MSMO1: variants seen among roughly 807,000 people sequenced by gnomAD.
The protein encoded by MSMO1 is C-4 methylsterol oxidase.
In MSMO1, 18 loss-of-function variants were observed where a neutral mutation model predicts 30.4. The ratio of observed to expected loss-of-function variants is 0.59; its 90% CI spans 0.41 to 0.88. The LOEUF (loss-of-function observed/expected upper bound fraction) is 0.88. MSMO1 is among the 40% of genes least tolerant of loss of function. The pLI, the probability that MSMO1 is intolerant of heterozygous loss-of-function variation, is 0.00. For synonymous variants in MSMO1, 84 were observed against 107.9 expected, an observed-to-expected ratio of 0.78 and a Z score of 1.37; for missense variants, 284 against 340.5, an observed-to-expected ratio of 0.83 and a Z score of 1.31.
At chr4:165,329,674 G>A (rs974239378) in intron 1 of MSMO1, among the ~76,000 whole-genome samples, 6 of 114,222 alleles carry the variant, frequency 5.3e-5, no homozygotes, top group East Asian at 5.5e-4. Flanking sequence ...TCACTCTGTC[G>A]CCCAGGCTGG....
rs774196602 is a variant in MSMO1, at chr4:165,341,734, T to C, written c.687-17T>C. On this transcript the variant is annotated splice_polypyrimidine_tract_variant and intron_variant, in intron 5 of 5. Transcript: ENST00000261507. ...GATGTATTTATTCCTTAATAATCTT[T>C]ATCATTTTTGTTTCAGTGGTTATGA... 1.3e-6 allele frequency: 2 copies of C among 1,577,166 alleles called. No homozygotes were observed. Among genetic ancestry groups the C allele is most frequent in the South Asian group, 1.1e-5 (1 of 90,324 alleles).
chr4:165,334,051 TC>T (rs1445576333), intron 2 of MSMO1, among the ~76,000 whole-genome samples: 1 of 152,092 alleles, frequency 6.6e-6, no homozygotes, highest in Non-Finnish European at 1.5e-5. Flanking sequence ...AGCACTATAC[TC>T]TAGCATAGGC....
At chr4:165,337,015 C>T (rs896931383) in intron 2 of MSMO1, among the ~76,000 whole-genome samples, 3 of 152,078 alleles carry the variant, frequency 2.0e-5, no homozygotes, top group African/African-American at 4.8e-5. Context: ...GTTTTGTTGG[C>T]GGATACCTGA....
chr4:165,342,791 C>T lies in MSMO1; in HGVS notation c.*845C>T, dbSNP rs1277418725. ...CGGCACCAAGAACTTCCATTCTAAT[C>T]TAGAGCTGACCAGTTTGAGCTGATT... On this transcript the variant is annotated 3_prime_UTR_variant, in exon 6 of 6. Coordinates refer to ENST00000261507, the MANE Select transcript of MSMO1 (RefSeq NM_006745.5). The T allele has an allele frequency of 6.6e-6, 1 of 152,170 alleles. No individual in the cohort carries two copies. The highest frequency in any genetic ancestry group is 1.5e-5 in the Non-Finnish European group (1 of 68,096). 9.4% of individuals were successfully genotyped at this position (152,170 alleles called of 1,614,324 possible).
chr4:165,329,622 G>C (rs1421178015), intron 1 of MSMO1, among the ~76,000 whole-genome samples: 1 of 109,422 alleles, frequency 9.1e-6, no homozygotes, highest in African/African-American at 3.6e-5. Context: ...GAGATCCATA[G>C]CGATTTTTTT....
At chr4:165,330,976 G>T (rs1747372499) in intron 1 of MSMO1, among the ~76,000 whole-genome samples, 1 of 152,174 alleles carries the variant, frequency 6.6e-6, no homozygotes, top group Non-Finnish European at 1.5e-5. Flanking sequence ...TGGCTTGGAA[G>T]AGGTAATGGA....
intron 4 of MSMO1, 129 bp downstream of exon 4, chr4:165,338,907 TACAC>T: frequency 1.5e-6 from 1 of 667,886 alleles, no homozygotes; most frequent in Non-Finnish European, 2.5e-6. Flanking sequence ...TTAAGAACAA[TACAC>T]ACACATACAA....
intron 1 of MSMO1, among the ~76,000 whole-genome samples, chr4:165,329,652 T>TTTTTTTG (rs1747337207): frequency 6.9e-6 from 1 of 145,036 alleles, no homozygotes; most frequent in Non-Finnish European, 1.5e-5. Context: ...TTTTTTTTTT[T>TTTTTTTG]GAGACGGAGT....
In MSMO1 at chr4:165,338,835, G is replaced by A. The variant is rs1747635327; in HGVS notation, c.531+57G>A. The stretch of plus-strand genomic sequence containing the variant: ...TAGAGGCAAAATGTCTATTTTAATT[G>A]CCTGAGCATTTTTCTAAAATTGTTG... On this transcript the variant is annotated intron_variant, in intron 4 of 5. Coordinates refer to ENST00000261507, the MANE Select transcript of MSMO1 (RefSeq NM_006745.5). The A allele has an allele frequency of 2.8e-6, 4 of 1,418,444 alleles. No individual in the cohort carries two copies. The South Asian group carries it at 5.0e-5, about 18-fold the overall frequency. 87.9% of individuals were successfully genotyped at this position (1,418,444 alleles called of 1,614,324 possible).
chr4:165,339,415 C>T (rs1289705200), intron 4 of MSMO1, among the ~76,000 whole-genome samples: 3 of 152,024 alleles, frequency 2.0e-5, no homozygotes, highest in Non-Finnish European at 4.4e-5. Flanking sequence ...ATTAGAATTG[C>T]TTTGATGTAG....
chr4:165,338,569 T>C, intron 3 of MSMO1, 83 bp from the exon 4 acceptor site: 2 of 1,256,206 alleles, frequency 1.6e-6, no homozygotes, highest in Non-Finnish European at 2.3e-6. Flanking sequence ...TTATGTAATG[T>C]CTCAAGCAGT....
At chr4:165,337,703 G>T in intron 2 of MSMO1, 86 bp from the exon 3 acceptor site, 1 of 1,337,600 alleles carries the variant, frequency 7.5e-7, no homozygotes, top group Non-Finnish European at 1.1e-6. Flanking sequence ...GTAGAATTAA[G>T]GTCCAACATA....
At chr4:165,339,333 A>T (rs1747651565) in intron 4 of MSMO1, among the ~76,000 whole-genome samples, 1 of 151,578 alleles carries the variant, frequency 6.6e-6, no homozygotes, top group African/African-American at 2.4e-5. Flanking sequence ...CGAACTCCTG[A>T]CCTCAGGTGA....
intron 1 of MSMO1, among the ~76,000 whole-genome samples, chr4:165,332,091 C>A (rs896570263): frequency 2.8e-4 from 42 of 152,250 alleles, no homozygotes; most frequent in African/African-American, 8.7e-4. Context: ...ATCTCCTGCC[C>A]TGCCACACAA....
intron 1 of MSMO1, among the ~76,000 whole-genome samples, chr4:165,330,100 CTTA>C (rs931265225): frequency 7.9e-5 from 12 of 152,240 alleles, no homozygotes; most frequent in Non-Finnish European, 1.8e-4. Context: ...TACTCTAATA[CTTA>C]TTATGGGTTT....
chr4:165,332,334 G>A (rs1747420069), intron 1 of MSMO1, among the ~76,000 whole-genome samples: 1 of 152,168 alleles, frequency 6.6e-6, no homozygotes, highest in Non-Finnish European at 1.5e-5. Flanking sequence ...GATCTTCCCT[G>A]TTCTTTTAAA....
chr4:165,333,464 C>G lies in MSMO1; in HGVS notation c.94C>G (p.Pro32Ala), dbSNP rs1747455383. ...TTTACCTGAGAATCCTCTGCAAGAA[C>G]CATTTAAAAATGCTTGGAACTATAT... ...SLLPENPLQE[P>A]FKNAWNYMLN... The change falls in exon 2 of 6, where the codon CCA becomes GCA. Residue 32 changes from proline (P) to alanine (A), a missense_variant. Physicochemically the swap from Pro to Ala is conservative, Grantham distance 27. Coordinates refer to ENST00000261507, the MANE Select transcript of MSMO1 (RefSeq NM_006745.5). 6.2e-7 allele frequency: 1 copy of G among 1,613,270 alleles called. No individual in the cohort carries two copies.
rs1460424299 is a variant in MSMO1, at chr4:165,342,280, T to C, written c.*334T>C. 4.5e-6 allele frequency: 1 copy of C among 221,626 alleles called. No homozygotes were observed. Among genetic ancestry groups the C allele is most frequent in the Non-Finnish European group, 8.7e-6 (1 of 114,962 alleles). The allele number at this position is 221,626 out of a possible 1,614,324, so 13.7% of individuals were successfully genotyped here. A position where few individuals can be genotyped will look rare whatever the true frequency, so the allele number is the denominator to read the frequency against. ...TAAAACCATAGGCCTGAAGTTCACA[T>C]TGGGTCTTTAAATCTTTTAGATATA... is the stretch of plus-strand genomic sequence containing the variant. On this transcript the variant is annotated 3_prime_UTR_variant, in exon 6 of 6. Transcript: ENST00000261507.
chr4:165,338,306 GTATATA>G (rs72119405), intron 3 of MSMO1, among the ~76,000 whole-genome samples: 725 of 83,176 alleles, frequency 8.7e-3, no homozygotes, highest in Middle Eastern at 0.023. Context: ...ATATGTATGT[GTATATA>G]TATATATATA....
Sources: allele counts gnomAD v4.1 joint callset (sites outside exome capture counted in the v4.1 genomes callset), GRCh38; gene constraint gnomAD v4.1.1; transcripts MANE v1.5; gene names NCBI Gene and HGNC (gene_info 2026-07-23, HGNC 2026-07-21).